Variants in ASMTL observed in about 807,000 individuals in gnomAD.
The protein encoded by ASMTL is probable bifunctional dTTP/UTP pyrophosphatase/methyltransferase protein.
Under a neutral mutation model 60.3 loss-of-function variants are expected in ASMTL, and 57 were observed. The observed-to-expected ratio is 0.95, with a 90% CI of 0.76 to 1.18. The LOEUF is 1.18. ASMTL is among the 50% of genes most tolerant of loss of function. The pLI, the probability that ASMTL is intolerant of heterozygous loss-of-function variation, is 0.00. For synonymous variants in ASMTL, 419 were observed against 373.0 expected (o/e 1.12, Z -1.42); for missense variants, 981 against 852.6 (o/e 1.15, Z -1.88).
chrX:1,442,073 C>T lies in ASMTL; in HGVS notation c.225+113G>A, dbSNP rs148230216. Reference sequence around the variant, plus strand: ...ACATAGCAATAGCTAAGCTGTGCCACCAACTGCATCTTTTGAATGACGTTT... The same window carrying T: ...ACATAGCAATAGCTAAGCTGTGCCATCAACTGCATCTTTTGAATGACGTTT... On this transcript the variant is annotated intron_variant, in intron 2 of 12. Transcript: ENST00000381317. 2.0e-3 allele frequency: 2,482 copies of T among 1,271,968 alleles called. 54 individuals are homozygous for T. In the African/African-American group the frequency reaches 0.031, roughly 16 times the overall value. The allele number at this position is 1,271,968 out of a possible 1,614,324, so 78.8% of individuals were successfully genotyped here. A position where few individuals can be genotyped will look rare whatever the true frequency, so the allele number is the denominator to read the frequency against.
At chrX:1,442,132 C>T in intron 2 of ASMTL, 54 bp downstream of exon 2, 1 of 1,592,110 alleles carries the variant, frequency 6.3e-7, no homozygotes, top group Non-Finnish European at 8.6e-7. Context: ...CCCGCAAATC[C>T]CCTCATCACA....
chrX:1,416,737 ACAGT>A (rs369672619), intron 11 of ASMTL, among the ~76,000 whole-genome samples: 141,004 of 150,078 alleles, frequency 0.94, 66,855 homozygotes, highest in Non-Finnish European at 1. Context: ...CATACCACAC[ACAGT>A]CAGTCATGCA....
upstream of ASMTL, chrX:1,453,583 G>GGTTGTGGGCA (rs2091448411): frequency 6.6e-6 from 1 of 151,818 alleles, no homozygotes; most frequent in Non-Finnish European, 1.5e-5. Flanking sequence ...CCGCAGCTGC[G>GGTTGTGGGCA]GTTGTGGGCA....
upstream of ASMTL, among the ~76,000 whole-genome samples, chrX:1,453,148 C>T (rs1324568510): frequency 2.0e-5 from 3 of 151,422 alleles, no homozygotes; most frequent in Non-Finnish European, 4.4e-5. Flanking sequence ...ACCACGCCTC[C>T]ATTGCCCTCT....
At chrX:1,424,006 TCATC>T (rs1275790521) in intron 8 of ASMTL, among the ~76,000 whole-genome samples, 1 of 138,502 alleles carries the variant, frequency 7.2e-6, no homozygotes, top group Non-Finnish European at 1.6e-5. Flanking sequence ...ATCCAATCAC[TCATC>T]CATCCATCTG....
chrX:1,430,030 T>A (rs1427374139), intron 6 of ASMTL, among the ~76,000 whole-genome samples: 2 of 150,234 alleles, frequency 1.3e-5, no homozygotes, highest in East Asian at 2.0e-4. Flanking sequence ...TTTTTTTTTT[T>A]AAAAGACGGA....
At chrX:1,415,062 TC>T (rs1431452990) in intron 11 of ASMTL, among the ~76,000 whole-genome samples, 8 of 18,990 alleles carry the variant, frequency 4.2e-4, no homozygotes, top group East Asian at 0.1. Flanking sequence ...TGCCTCAGCC[TC>T]CTGAATAGGT....
intron 9 of ASMTL, 66 bp from the exon 10 acceptor site, chrX:1,419,180 T>C: frequency 6.3e-7 from 1 of 1,578,862 alleles, no homozygotes; most frequent in South Asian, 1.1e-5. Context: ...AGCCTCTCCC[T>C]GGGGGTCGGG....
chrX:1,426,615 G>A (rs2090618861), intron 7 of ASMTL, among the ~76,000 whole-genome samples: 1 of 152,148 alleles, frequency 6.6e-6, no homozygotes, highest in African/African-American at 2.4e-5. Flanking sequence ...CACTTTAGGA[G>A]GCCGAGGCGG....
chrX:1,411,197 AAG>A (rs1281585904), intron 12 of ASMTL, among the ~76,000 whole-genome samples: 24 of 142,646 alleles, frequency 1.7e-4, no homozygotes, highest in African/African-American at 6.0e-4. Context: ...AAAAAAAAAG[AAG>A]AGAGATACAC....
intron 12 of ASMTL, among the ~76,000 whole-genome samples, chrX:1,407,112 G>GGTAGATAGATGA (rs1209982756): frequency 1.1e-4 from 16 of 148,070 alleles, no homozygotes; most frequent in African/African-American, 4.1e-4. Context: ...ATGATGGGTA[G>GGTAGATAGATGA]ATGGATGGAT....
At chrX:1,425,754 CAA>C in intron 7 of ASMTL, 67 bp from the exon 8 acceptor site, 1 of 1,531,998 alleles carries the variant, frequency 6.5e-7, no homozygotes, top group Admixed American at 1.8e-5. Flanking sequence ...CCCACAGACT[CAA>C]AAGATGGAGG....
At chrX:1,444,945 G>A (rs181605683) in intron 1 of ASMTL, among the ~76,000 whole-genome samples, 3 of 152,136 alleles carry the variant, frequency 2.0e-5, no homozygotes, top group South Asian at 2.1e-4. Flanking sequence ...CAGGTATTTC[G>A]CTCCCTAACC....
At chrX:1,412,355 G>A (rs1465221626) in intron 12 of ASMTL, among the ~76,000 whole-genome samples, 4 of 152,026 alleles carry the variant, frequency 2.6e-5, no homozygotes, top group African/African-American at 9.6e-5. Flanking sequence ...AGCCTCTGAA[G>A]TACCTGGGAT....
At chrX:1,433,041 T>A (rs1189109117) in intron 5 of ASMTL, among the ~76,000 whole-genome samples, 1 of 152,074 alleles carries the variant, frequency 6.6e-6, no homozygotes, top group Non-Finnish European at 1.5e-5. Flanking sequence ...GAGGTTGCAG[T>A]GAGCCAAGAT....
At chrX:1,452,442 C>G (rs2149357399) in intron 1 of ASMTL, among the ~76,000 whole-genome samples, 1 of 149,124 alleles carries the variant, frequency 6.7e-6, no homozygotes, top group South Asian at 2.1e-4. Context: ...CTGGGTCACT[C>G]TACCCTCCCC....
intron 2 of ASMTL, 200 bp downstream of exon 2, chrX:1,441,986 C>A: frequency 3.3e-6 from 2 of 613,836 alleles, no homozygotes; most frequent in South Asian, 2.2e-5. Flanking sequence ...AACAGATAAG[C>A]TCCATTAATT....
chrX:1,446,503 T>TC (rs1400043205), intron 1 of ASMTL, among the ~76,000 whole-genome samples: 1 of 149,602 alleles, frequency 6.7e-6, no homozygotes, highest in East Asian at 2.0e-4. Context: ...TCATGACATT[T>TC]TTTTTTTTTT....
At position 1,452,390 on chromosome X, in the gene ASMTL, T is replaced by C. The variant is rs143009414; in HGVS notation, c.93+358A>G. Among the ~76,000 whole-genome samples, 833 of 143,104 alleles carry C rather than the reference T, an allele frequency of 5.8e-3. 4 individuals carry two copies. The highest frequency in any genetic ancestry group is 0.021 in the African/African-American group (793 of 38,044). 93.9% of individuals were successfully genotyped at this position (143,104 alleles called of 152,430 possible). On this transcript the variant is annotated intron_variant, in intron 1 of 12. Coordinates refer to ENST00000381317, the MANE Select transcript of ASMTL (RefSeq NM_004192.4). ...GGGTTACTCTCCTCATCCCCATCCA[T>C]GGGGCTCCGGGGTCACTCTGCTGTC... is the stretch of plus-strand genomic sequence containing the variant.
Sources: gnomAD v4.1 joint callset for allele counts (sites outside exome capture counted in the v4.1 genomes callset) on GRCh38, gnomAD v4.1.1 for gene constraint, MANE v1.5 for transcripts, NCBI Gene and HGNC (gene_info 2026-07-23, HGNC 2026-07-21) for gene names.